SPOCK1: variants seen among roughly 807,000 people sequenced by gnomAD.
SPOCK1 encodes the protein testican-1.
Under a neutral mutation model 55.3 loss-of-function variants are expected in SPOCK1, and 23 were observed. The observed-to-expected ratio is 0.42, with a 90% CI of 0.30 to 0.59. The LOEUF (loss-of-function observed/expected upper bound fraction) is 0.59, where lower values mean the gene tolerates loss of function less well. SPOCK1 is among the 20% of genes least tolerant of loss of function. The probability of loss-of-function intolerance (pLI) is 0.22; values close to 1 mark genes in which losing one functional copy is unlikely to be tolerated. For missense variants in SPOCK1, 499 were observed against 552.5 expected, an observed-to-expected ratio of 0.90 and a Z score of 0.97; for synonymous variants, 226 against 221.0, an observed-to-expected ratio of 1.02 and a Z score of -0.20.
intron 6 of SPOCK1, among the ~76,000 whole-genome samples, chr5:137,013,029 T>C (rs751652627): frequency 4.6e-5 from 7 of 152,058 alleles, no homozygotes; most frequent in East Asian, 1.9e-4. Flanking sequence ...AAATGAATAA[T>C]GTGGATGTGT....
chr5:137,383,831 C>T (rs1751534101), intron 2 of SPOCK1, among the ~76,000 whole-genome samples: 1 of 152,212 alleles, frequency 6.6e-6, no homozygotes, highest in Admixed American at 6.5e-5. Flanking sequence ...CTCTTTTTCC[C>T]CCTTGGGGAG....
At chr5:137,162,131 CTT>C (rs566233599) in intron 3 of SPOCK1, among the ~76,000 whole-genome samples, 14 of 131,786 alleles carry the variant, frequency 1.1e-4, no homozygotes, top group African/African-American at 3.1e-4. Flanking sequence ...CTAATGCTTT[CTT>C]TTTTTTTTTT....
chr5:137,224,731 A>C (rs1039253185), intron 3 of SPOCK1, among the ~76,000 whole-genome samples: 1 of 152,148 alleles, frequency 6.6e-6, no homozygotes, highest in African/African-American at 2.4e-5. Flanking sequence ...TGTTACTTCT[A>C]ACTGTTTAAT....
At chr5:137,408,621 G>A (rs914693844) in intron 2 of SPOCK1, among the ~76,000 whole-genome samples, 1 of 152,192 alleles carries the variant, frequency 6.6e-6, no homozygotes, top group Non-Finnish European at 1.5e-5. Context: ...TGTGGCCAAC[G>A]TGAAAGGAAC....
At chr5:137,063,831 A>T (rs1266776144) in intron 6 of SPOCK1, among the ~76,000 whole-genome samples, 1 of 152,254 alleles carries the variant, frequency 6.6e-6, no homozygotes, top group Non-Finnish European at 1.5e-5. Flanking sequence ...TGCATTGAAT[A>T]GAAACGGTTG....
chr5:137,170,452 C>T (rs1754732038), intron 3 of SPOCK1, among the ~76,000 whole-genome samples: 2 of 152,116 alleles, frequency 1.3e-5, no homozygotes, highest in African/African-American at 4.8e-5. Context: ...ATGTTGAAGT[C>T]ACTGGCCCCT....
chr5:137,033,670 T>C (rs1284427270), intron 6 of SPOCK1, among the ~76,000 whole-genome samples: 1 of 152,248 alleles, frequency 6.6e-6, no homozygotes, highest in Non-Finnish European at 1.5e-5. Context: ...CCTTCTTCCC[T>C]GCTCCCACCC....
chr5:137,067,773 A>G lies in SPOCK1; in HGVS notation c.531T>C (p.Asp177=). The G allele has an allele frequency of 6.2e-7, 1 of 1,614,154 alleles. No homozygotes were observed. Among genetic ancestry groups the G allele is most frequent in the East Asian group, 2.2e-5 (1 of 44,866 alleles). Reference sequence around the variant, plus strand: ...GCTCTGGGAGACAGGGACAGGGCCCATCACAGAGGGTGGCGAGGCTTTTGC... The same window carrying G: ...GCTCTGGGAGACAGGGACAGGGCCCGTCACAGAGGGTGGCGAGGCTTTTGC... The part of the protein sequence containing the change: ...STGKSLATLC[D]GPCPCLPEPE... Residue 177 remains aspartate (D), a synonymous_variant, in exon 6 of 11, where the codon GAT becomes GAC. Transcript: ENST00000394945.
At chr5:137,155,558 C>A (rs547107863) in intron 3 of SPOCK1, among the ~76,000 whole-genome samples, 1 of 152,316 alleles carries the variant, frequency 6.6e-6, no homozygotes, top group South Asian at 2.1e-4. Context: ...AGATGAAATA[C>A]GGGGATACCC....
intron 9 of SPOCK1, among the ~76,000 whole-genome samples, chr5:136,980,438 GA>G (rs1451754736): frequency 1.3e-5 from 2 of 152,160 alleles, no homozygotes; most frequent in Non-Finnish European, 2.9e-5. Flanking sequence ...ATCTCATCTT[GA>G]ATTGTAGCTC....
intron 3 of SPOCK1, among the ~76,000 whole-genome samples, chr5:137,228,261 A>G (rs776763418): frequency 2.6e-5 from 4 of 152,224 alleles, no homozygotes; most frequent in Admixed American, 2.0e-4. Flanking sequence ...GGCAAGCCTT[A>G]ACCATCCAAG....
chr5:137,067,189 C>T (rs1268299404), intron 6 of SPOCK1, among the ~76,000 whole-genome samples: 1 of 152,122 alleles, frequency 6.6e-6, no homozygotes, highest in African/African-American at 2.4e-5. Context: ...CTTTCCTGGC[C>T]CTCTCAGCCA....
At chr5:137,074,925 G>A (rs1022553294) in intron 5 of SPOCK1, among the ~76,000 whole-genome samples, 4 of 152,068 alleles carry the variant, frequency 2.6e-5, no homozygotes, top group African/African-American at 7.2e-5. Context: ...GGATGGTCTC[G>A]ATCTCCTGAC....
chr5:137,121,917 A>ATT (rs1753693373), intron 4 of SPOCK1, among the ~76,000 whole-genome samples: 1 of 146,502 alleles, frequency 6.8e-6, no homozygotes, highest in African/African-American at 2.5e-5. Flanking sequence ...TGTCATAAAT[A>ATT]ATACTGTTAT....
rs534535660 is a variant in SPOCK1 at position 137,319,869 on chromosome 5, C to T, written c.187-52814G>A. 3.3e-5 allele frequency among the ~76,000 whole-genome samples: 5 copies of T among 150,316 alleles called. No individual in the cohort carries two copies. In the South Asian group the frequency reaches 6.4e-4, roughly 19 times the overall value. ...CTGAGGCAGGAGAATGGCGTGAACC[C>T]GGGAAGCGGAGCTTGCAGTGAGCCG... On this transcript the variant is annotated intron_variant, in intron 2 of 10. Transcript: ENST00000394945.
rs556249388 is a variant in SPOCK1, at chr5:137,430,354, G to A, written c.186+68019C>T. Among the ~76,000 whole-genome samples, 5 of 152,340 alleles carry A rather than the reference G, an allele frequency of 3.3e-5. No homozygotes were observed. The South Asian group carries it at 1.0e-3, about 32-fold the overall frequency. ...CCCAGCTCATACTCCGCAATTCACAGACAGCTTCTTCCTTCATCCAGGACA... is the reference window on the plus strand; with the variant it reads ...CCCAGCTCATACTCCGCAATTCACAAACAGCTTCTTCCTTCATCCAGGACA... On this transcript the variant is annotated intron_variant, in intron 2 of 10. Transcript: ENST00000394945.
chr5:137,464,258 T>A (rs920475857), intron 2 of SPOCK1, among the ~76,000 whole-genome samples: 1 of 152,126 alleles, frequency 6.6e-6, no homozygotes, highest in Non-Finnish European at 1.5e-5. Context: ...GCCATGATCA[T>A]GCCACTGTAC....
At chr5:137,496,533 G>C (rs1186537910) in intron 2 of SPOCK1, among the ~76,000 whole-genome samples, 1 of 152,190 alleles carries the variant, frequency 6.6e-6, no homozygotes, top group African/African-American at 2.4e-5. Context: ...TCCAGAGGTG[G>C]CCCTTCACTT....
chr5:137,050,411 C>T (rs1173440445), intron 6 of SPOCK1, among the ~76,000 whole-genome samples: 4 of 147,762 alleles, frequency 2.7e-5, no homozygotes, highest in Admixed American at 2.0e-4. Context: ...TTTCCAGGTG[C>T]GTCCGTCACC....
Sources: allele counts gnomAD v4.1 joint callset (sites outside exome capture counted in the v4.1 genomes callset), GRCh38; gene constraint gnomAD v4.1.1; transcripts MANE v1.5; gene names NCBI Gene and HGNC (gene_info 2026-07-23, HGNC 2026-07-21).